DGKB: variants seen among roughly 807,000 people sequenced by gnomAD.
The protein encoded by DGKB is diacylglycerol kinase beta.
DGKB carries 67 observed loss-of-function variants against 114.3 expected under a neutral mutation model. The observed-to-expected ratio is 0.59, with a 90% CI of 0.48 to 0.72. DGKB has a LOEUF of 0.72. Among genes scored for constraint, DGKB ranks in the 30% least tolerant of loss-of-function variants. The probability of loss-of-function intolerance (pLI) is 0.00; values close to 1 mark genes in which losing one functional copy is unlikely to be tolerated. For missense variants in DGKB, 907 were observed against 975.2 expected (o/e 0.93, Z 0.93); for synonymous variants, 398 against 323.1 (o/e 1.23, Z -2.49).
At chr7:14,718,509 C>G (rs760182307) in intron 6 of DGKB, 33 bp downstream of exon 6, 1 of 1,583,370 alleles carries the variant, frequency 6.3e-7, no homozygotes, top group South Asian at 1.2e-5. Context: ...TGCCCCCAAT[C>G]ACGATAAGTA....
chr7:14,916,210 A>C (rs1784233263), intron 1 of DGKB, among the ~76,000 whole-genome samples: 1 of 151,910 alleles, frequency 6.6e-6, no homozygotes, highest in South Asian at 2.1e-4. Context: ...ATAATAATAT[A>C]ATAAAATAGA....
intron 2 of DGKB, among the ~76,000 whole-genome samples, chr7:14,798,548 G>A (rs1841727980): frequency 6.6e-6 from 1 of 152,140 alleles, no homozygotes; most frequent in African/African-American, 2.4e-5. Flanking sequence ...TGATTTTTCA[G>A]TGAATCATTA....
At chr7:14,334,730 A>G (rs542321803) in intron 23 of DGKB, among the ~76,000 whole-genome samples, 21 of 152,194 alleles carry the variant, frequency 1.4e-4, no homozygotes, top group African/African-American at 5.1e-4. Flanking sequence ...GCAATCAGTC[A>G]TTTGTACATT....
chr7:14,878,583 A>C (rs1177555006), intron 1 of DGKB, among the ~76,000 whole-genome samples: 1 of 152,012 alleles, frequency 6.6e-6, no homozygotes, highest in Non-Finnish European at 1.5e-5. Context: ...GTCTCTACTA[A>C]GAATACAAAA....
At chr7:14,301,257 T>A (rs1002769590) in intron 23 of DGKB, among the ~76,000 whole-genome samples, 2 of 152,108 alleles carry the variant, frequency 1.3e-5, no homozygotes, top group Non-Finnish European at 2.9e-5. Context: ...GAAAATCTCA[T>A]TTGACTAGGC....
At chr7:14,701,305 T>G (rs539534937) in intron 7 of DGKB, among the ~76,000 whole-genome samples, 1 of 152,220 alleles carries the variant, frequency 6.6e-6, no homozygotes, top group Non-Finnish European at 1.5e-5. Flanking sequence ...AAATTCTACT[T>G]ATAGTCTCAA....
chr7:14,782,223 G>C (rs1226609260), intron 2 of DGKB, among the ~76,000 whole-genome samples: 1 of 151,966 alleles, frequency 6.6e-6, no homozygotes, highest in African/African-American at 2.4e-5. Context: ...AATGGGTTTT[G>C]CCTTGTTGTC....
intron 2 of DGKB, among the ~76,000 whole-genome samples, chr7:14,790,767 T>C (rs1327999879): frequency 6.6e-6 from 1 of 152,188 alleles, no homozygotes; most frequent in East Asian, 1.9e-4. Flanking sequence ...CTTATTTTTC[T>C]AAATAATTTT....
In DGKB at chr7:14,960,504, G is replaced by T. The variant is rs374952233; in HGVS notation, c.-188+14192C>A. 7.2e-5 allele frequency among the ~76,000 whole-genome samples: 11 copies of T among 151,900 alleles called. No individual in the cohort carries two copies. In the East Asian group the frequency reaches 1.9e-3, roughly 27 times the overall value. ...TATTTTTTTAAATAAAATATATTTTGAAAGTATCATCAATAAAGAAATAGT... is the reference window on the plus strand; with the variant it reads ...TATTTTTTTAAATAAAATATATTTTTAAAGTATCATCAATAAAGAAATAGT... On this transcript the variant is annotated intron_variant, in intron 1 of 4. Transcript: ENST00000437998.
chr7:14,719,167 G>C (rs1828733386), intron 5 of DGKB, among the ~76,000 whole-genome samples: 1 of 152,044 alleles, frequency 6.6e-6, no homozygotes, highest in Non-Finnish European at 1.5e-5. Flanking sequence ...TCAAATATTT[G>C]CCAATACCAT....
intron 1 of DGKB, among the ~76,000 whole-genome samples, chr7:14,853,981 T>G (rs949774186): frequency 6.6e-6 from 1 of 152,182 alleles, no homozygotes; most frequent in Admixed American, 6.5e-5. Context: ...GTCATTGAAT[T>G]ACTTCACACC....
chr7:14,363,063 C>T (rs986090191), intron 21 of DGKB, among the ~76,000 whole-genome samples: 4 of 152,120 alleles, frequency 2.6e-5, no homozygotes, highest in African/African-American at 9.7e-5. Flanking sequence ...TTAATAAGCC[C>T]AGGATGGAAA....
intron 21 of DGKB, among the ~76,000 whole-genome samples, chr7:14,429,191 A>G (rs1411202562): frequency 6.6e-6 from 1 of 152,118 alleles, no homozygotes; most frequent in Non-Finnish European, 1.5e-5. Context: ...AAATGTTAAA[A>G]TCCTAATCTC....
chr7:14,800,746 A>G (rs1842043867), intron 2 of DGKB, among the ~76,000 whole-genome samples: 1 of 152,204 alleles, frequency 6.6e-6, no homozygotes, highest in Non-Finnish European at 1.5e-5. Context: ...GGCCACTTGG[A>G]CTTTTCATGC....
chr7:14,796,260 T>G (rs976619965), intron 2 of DGKB, among the ~76,000 whole-genome samples: 1 of 152,044 alleles, frequency 6.6e-6, no homozygotes, highest in African/African-American at 2.4e-5. Context: ...GATGGAAAAA[T>G]TTATCTTTTG....
At chr7:14,637,332 G>A (rs1296788615) in intron 13 of DGKB, among the ~76,000 whole-genome samples, 1 of 151,728 alleles carries the variant, frequency 6.6e-6, no homozygotes, top group African/African-American at 2.4e-5. Flanking sequence ...ACATAGTTCT[G>A]GTAATAAAAA....
chr7:14,347,757 A>T (rs1583321537), intron 21 of DGKB, among the ~76,000 whole-genome samples: 2 of 152,026 alleles, frequency 1.3e-5, no homozygotes, highest in East Asian at 3.9e-4. Context: ...AATGTATTAT[A>T]TATTTGAAAT....
intron 23 of DGKB, among the ~76,000 whole-genome samples, chr7:14,324,629 A>G (rs1174548656): frequency 6.6e-6 from 1 of 152,120 alleles, no homozygotes; most frequent in East Asian, 1.9e-4. Flanking sequence ...CAGGTGGCAA[A>G]AAAACAATAA....
chr7:14,857,503 C>A (rs776447471), intron 1 of DGKB, among the ~76,000 whole-genome samples: 2 of 151,974 alleles, frequency 1.3e-5, no homozygotes, highest in African/African-American at 4.8e-5. Flanking sequence ...TAATAAATAG[C>A]GGATGTTCGA....
Sources: allele counts gnomAD v4.1 joint callset (sites outside exome capture counted in the v4.1 genomes callset), GRCh38; gene constraint gnomAD v4.1.1; transcripts MANE v1.5; gene names NCBI Gene and HGNC (gene_info 2026-07-23, HGNC 2026-07-21).